Variants in NRXN3 observed in about 807,000 individuals in gnomAD.
NRXN3 encodes neurexin 3.
A neutral mutation model predicts 137.6 loss-of-function variants in NRXN3; 32 were observed. That is an observed-to-expected ratio of 0.23 (90% CI 0.18 to 0.31). The LOEUF is 0.31. Ranked by LOEUF, NRXN3 falls within the 10% of genes least tolerant of loss-of-function variation. NRXN3 has a pLI of 1.00. For missense variants in NRXN3, 1,574 were observed against 2,062.5 expected (o/e 0.76, Z 4.59); for synonymous variants, 798 against 784.5 (o/e 1.02, Z -0.29).
intron 4 of NRXN3, among the ~76,000 whole-genome samples, chr14:78,626,403 A>G (rs1057237596): frequency 6.6e-6 from 1 of 152,246 alleles, no homozygotes. Context: ...GGTGCTTCCT[A>G]AACTCCATCC....
chr14:79,022,476 T>G, intron 15 of NRXN3, among the ~76,000 whole-genome samples: 1 of 152,300 alleles, frequency 6.6e-6, no homozygotes, highest in East Asian at 1.9e-4. Context: ...AATGGTCCAC[T>G]GACAGGTCAA....
chr14:78,266,413 C>T (rs549942174), intron 2 of NRXN3, among the ~76,000 whole-genome samples: 1 of 152,206 alleles, frequency 6.6e-6, no homozygotes, highest in Admixed American at 6.5e-5. Context: ...ATTCTTCCAC[C>T]TCAGCTTCCT....
intron 2 of NRXN3, among the ~76,000 whole-genome samples, chr14:78,265,609 G>A (rs1161623574): frequency 6.6e-6 from 1 of 152,150 alleles, no homozygotes; most frequent in African/African-American, 2.4e-5. Context: ...TAAATCCAGT[G>A]CTTGCTCTCA....
intron 19 of NRXN3, among the ~76,000 whole-genome samples, chr14:79,738,765 G>A (rs569430081): frequency 5.5e-4 from 83 of 152,152 alleles, no homozygotes; most frequent in African/African-American, 1.9e-3. Flanking sequence ...CACCATGTTG[G>A]TCAGGCTGAT....
chr14:78,668,424 G>A (rs1299628710), intron 6 of NRXN3, among the ~76,000 whole-genome samples: 1 of 152,136 alleles, frequency 6.6e-6, no homozygotes, highest in Admixed American at 6.5e-5. Flanking sequence ...CCAGGTTAGT[G>A]GCTTCTCAAG....
At chr14:79,722,849 T>C (rs2098849917) in intron 19 of NRXN3, among the ~76,000 whole-genome samples, 1 of 152,166 alleles carries the variant, frequency 6.6e-6, no homozygotes, top group African/African-American at 2.4e-5. Context: ...GATGGATAGA[T>C]GGATGGATGG....
At chr14:78,811,329 A>G (rs2098911676) in intron 10 of NRXN3, among the ~76,000 whole-genome samples, 1 of 152,168 alleles carries the variant, frequency 6.6e-6, no homozygotes, top group African/African-American at 2.4e-5. Context: ...AGGTGGGTCC[A>G]CCACCTCGGA....
At chr14:78,402,951 C>T (rs1361629907) in intron 4 of NRXN3, among the ~76,000 whole-genome samples, 2 of 152,120 alleles carry the variant, frequency 1.3e-5, no homozygotes, top group African/African-American at 2.4e-5. Flanking sequence ...TGGGTAACAA[C>T]TGAGTCTATA....
chr14:79,799,999 C>G (rs1057440748), intron 19 of NRXN3, among the ~76,000 whole-genome samples: 1 of 152,020 alleles, frequency 6.6e-6, no homozygotes, highest in Non-Finnish European at 1.5e-5. Context: ...TGACATATAC[C>G]ACTGACAGTA....
Position 79,320,842 on chromosome 14 carries a change from CT to C in NRXN3, c.3263-146364del, listed in dbSNP as rs879619303. Among the ~76,000 whole-genome samples the C allele has an allele frequency of 7.0e-3, 970 of 138,122 alleles. 2 individuals are homozygous for C. Among genetic ancestry groups the C allele is most frequent in the Middle Eastern group, 0.035 (9 of 254 alleles). 90.6% of individuals were successfully genotyped at this position (138,122 alleles called of 152,430 possible). A position where few individuals can be genotyped will look rare whatever the true frequency, so the allele number is the denominator to read the frequency against. On this transcript the variant is annotated intron_variant, in intron 15 of 20. Coordinates refer to ENST00000335750, the MANE Select transcript of NRXN3 (RefSeq NM_001330195.2). ...ATGACACTGACACCATTAGCAAGGA[CT>C]TTTTTTTTTTTTTTAACAGCATTTC...
At chr14:78,728,252 A>G (rs1438105304) in intron 8 of NRXN3, among the ~76,000 whole-genome samples, 2 of 152,148 alleles carry the variant, frequency 1.3e-5, no homozygotes, top group East Asian at 1.9e-4. Context: ...TTTAACATGT[A>G]ATCGTCCCTT....
intron 10 of NRXN3, among the ~76,000 whole-genome samples, chr14:78,850,349 G>A (rs2099039248): frequency 6.6e-6 from 1 of 152,136 alleles, no homozygotes; most frequent in South Asian, 2.1e-4. Flanking sequence ...TACCAAGTTA[G>A]TATTCTCTCT....
intron 15 of NRXN3, among the ~76,000 whole-genome samples, chr14:79,343,489 G>A (rs913985506): frequency 2.0e-5 from 3 of 152,080 alleles, no homozygotes; most frequent in East Asian, 1.9e-4. Context: ...AGCCTGGCTC[G>A]CTCTTCATGA....
At chr14:78,391,495 A>G (rs1463114398) in intron 4 of NRXN3, among the ~76,000 whole-genome samples, 3 of 151,988 alleles carry the variant, frequency 2.0e-5, no homozygotes, top group African/African-American at 4.8e-5. Flanking sequence ...CACTCACTCA[A>G]GCCTGTTTGG....
intron 15 of NRXN3, among the ~76,000 whole-genome samples, chr14:79,196,431 A>G (rs1448289735): frequency 6.6e-6 from 1 of 152,178 alleles, no homozygotes; most frequent in African/African-American, 2.4e-5. Flanking sequence ...GCCAAACTCA[A>G]TTTTATAACC....
chr14:78,219,105 A>T (rs1382477657), intron 1 of NRXN3, among the ~76,000 whole-genome samples: 1 of 152,162 alleles, frequency 6.6e-6, no homozygotes, highest in Non-Finnish European at 1.5e-5. Flanking sequence ...TCTTTAAATA[A>T]TCTAACTCCA....
chr14:79,754,503 GATATATATATATAT>G (rs57962525), intron 19 of NRXN3, among the ~76,000 whole-genome samples: 1,997 of 43,920 alleles, frequency 0.045, 144 homozygotes, highest in East Asian at 0.07. Flanking sequence ...ACTCTCTCTT[GATATATATATATAT>G]ATATATATAT....
intron 20 of NRXN3, among the ~76,000 whole-genome samples, chr14:79,860,337 T>C (rs1283876305): frequency 6.6e-6 from 1 of 152,242 alleles, no homozygotes; most frequent in Non-Finnish European, 1.5e-5. Context: ...AAGCAATGCA[T>C]ACAAATATTA....
At position 78,823,346 on chromosome 14, in the gene NRXN3, T is replaced by G. The variant is rs10133185; in HGVS notation, c.2275+13002T>G. On this transcript the variant is annotated intron_variant, in intron 10 of 20. Coordinates refer to ENST00000335750, the MANE Select transcript of NRXN3 (RefSeq NM_001330195.2). ...CCGAGGCTCTTCTACGCTACCTCTG[T>G]GTCCATGCTTTGCTGTGTGCCCTAT... Among the ~76,000 whole-genome samples the G allele has an allele frequency of 3.7e-3, 561 of 152,264 alleles. 5 individuals are homozygous for G. Among genetic ancestry groups the G allele is most frequent in the African/African-American group, 0.013 (537 of 41,556 alleles).
Sources: gnomAD v4.1 joint callset for allele counts (sites outside exome capture counted in the v4.1 genomes callset) on GRCh38, gnomAD v4.1.1 for gene constraint, MANE v1.5 for transcripts, NCBI Gene and HGNC (gene_info 2026-07-23, HGNC 2026-07-21) for gene names.